The following GARIN1A variants were observed in gnomAD, a reference collection of about 807,000 sequenced individuals.
The protein encoded by GARIN1A is golgi associated RAB2 interactor 1A.
chr7:128,683,285 T>C, the GARIN1A span: 22 of 691,826 alleles, frequency 3.2e-5, no homozygotes, highest in Non-Finnish European at 5.0e-5. Context: ...AAGGTGCTTC[T>C]CTACTTCCAC....
At chr7:128,673,083 A>G in the GARIN1A span, among the ~76,000 whole-genome samples, 600 of 152,302 alleles carry the variant, frequency 3.9e-3, no homozygotes, top group African/African-American at 0.014. Flanking sequence ...TTTCGTAAGT[A>G]TCAAGTCTTA....
the GARIN1A span, chr7:128,677,881 G>T: frequency 3.1e-6 from 3 of 961,648 alleles, no homozygotes; most frequent in South Asian, 7.0e-5. Flanking sequence ...AAGTGTCTGT[G>T]TATATATATA....
At chr7:128,675,916 C>A in the GARIN1A span, 1 of 1,266,038 alleles carries the variant, frequency 7.9e-7, no homozygotes, top group Non-Finnish European at 1.1e-6. Context: ...ATATGCATTG[C>A]TTTGTAGCTG....
chr7:128,706,747 T>G, the GARIN1A span, among the ~76,000 whole-genome samples: 1 of 152,134 alleles, frequency 6.6e-6, no homozygotes. Context: ...CTTTGAGAAG[T>G]TCTCTGATCT....
chr7:128,708,840 C>G, the GARIN1A span, among the ~76,000 whole-genome samples: 1 of 152,160 alleles, frequency 6.6e-6, no homozygotes, highest in African/African-American at 2.4e-5. Context: ...CTTCTTCCCA[C>G]GGGTTGCTAA....
At chr7:128,702,428 A>C in the GARIN1A span, among the ~76,000 whole-genome samples, 1 of 152,228 alleles carries the variant, frequency 6.6e-6, no homozygotes. Context: ...CACTACACAC[A>C]AAGCAGTATA....
At chr7:128,702,591 T>C in the GARIN1A span, among the ~76,000 whole-genome samples, 1 of 151,982 alleles carries the variant, frequency 6.6e-6, no homozygotes, top group African/African-American at 2.4e-5. Flanking sequence ...TCATAAAAAA[T>C]GATCAATAAC....
the GARIN1A span, among the ~76,000 whole-genome samples, chr7:128,702,043 A>G: frequency 2.0e-5 from 3 of 152,220 alleles, no homozygotes; most frequent in African/African-American, 7.2e-5. Context: ...TGGCAATCCA[A>G]AATTCTATAC....
chr7:128,680,667 C>A, the GARIN1A span, among the ~76,000 whole-genome samples: 1 of 151,098 alleles, frequency 6.6e-6, no homozygotes, highest in Non-Finnish European at 1.5e-5. Flanking sequence ...TGGGTTCAAG[C>A]GATTCTCTTG....
At chr7:128,695,461 A>C in the GARIN1A span, among the ~76,000 whole-genome samples, 2 of 152,238 alleles carry the variant, frequency 1.3e-5, no homozygotes, top group African/African-American at 2.4e-5. The surrounding 1 kb of genome is among the most constrained non-coding windows in gnomAD (Gnocchi z 4.5). Flanking sequence ...AGGTCTGAAT[A>C]CAGCATCTTC....
chr7:128,688,819 CCT>C, the GARIN1A span, among the ~76,000 whole-genome samples: 1 of 127,436 alleles, frequency 7.8e-6, no homozygotes, highest in Non-Finnish European at 1.7e-5. Flanking sequence ...TCTCCCTCTC[CCT>C]CTCTTTCCAC....
the GARIN1A span, among the ~76,000 whole-genome samples, chr7:128,696,692 A>G: frequency 2.0e-5 from 3 of 152,182 alleles, no homozygotes; most frequent in Middle Eastern, 3.2e-3. Flanking sequence ...TTCTAGGTCA[A>G]TGAGTCCCAG....
the GARIN1A span, among the ~76,000 whole-genome samples, chr7:128,681,116 G>A: frequency 3.9e-5 from 6 of 152,204 alleles, no homozygotes; most frequent in Admixed American, 2.6e-4. Flanking sequence ...GATAAAAGCT[G>A]GCTTTCTGGG....
the GARIN1A span, among the ~76,000 whole-genome samples, chr7:128,681,201 T>A: frequency 1.3e-5 from 2 of 152,176 alleles, no homozygotes; most frequent in Non-Finnish European, 2.9e-5. Context: ...AAAAGCAGCC[T>A]CAATTCTGAA....
chr7:128,679,349 C>T, the GARIN1A span, among the ~76,000 whole-genome samples: 5 of 151,970 alleles, frequency 3.3e-5, no homozygotes, highest in East Asian at 1.9e-4. Context: ...TGCGCCACCA[C>T]GCCCAGCTAA....
At chr7:128,674,291 A>T in the GARIN1A span, among the ~76,000 whole-genome samples, 249 of 152,126 alleles carry the variant, frequency 1.6e-3, 2 homozygotes, top group Admixed American at 7.9e-3. Context: ...TTGATTTTTT[A>T]AAAAAAAATT....
the GARIN1A span, among the ~76,000 whole-genome samples, chr7:128,689,072 G>T: frequency 2.6e-5 from 4 of 151,864 alleles, no homozygotes; most frequent in Non-Finnish European, 5.9e-5. Flanking sequence ...CGAGGTGCCG[G>T]GATTGCAGAT....
chr7:128,672,636 AAAG>A, the GARIN1A span: 2 of 269,746 alleles, frequency 7.4e-6, no homozygotes, highest in Non-Finnish European at 1.3e-5. Context: ...GTGGCCTTTT[AAAG>A]CCCTGGGGGA....
the GARIN1A span, among the ~76,000 whole-genome samples, chr7:128,696,008 CTTTTTTTTTTTTT>C: frequency 1.2e-5 from 1 of 80,122 alleles, no homozygotes; most frequent in Non-Finnish European, 2.2e-5. Context: ...TCCTAACTTC[CTTTTTTTTTTTTT>C]TTTTTTTTTT....
Sources: allele counts gnomAD v4.1 joint callset (sites outside exome capture counted in the v4.1 genomes callset), GRCh38; gene constraint gnomAD v4.1.1; non-coding constraint Gnocchi (gnomAD v3.1); transcripts MANE v1.5; gene names NCBI Gene and HGNC (gene_info 2026-07-23, HGNC 2026-07-21).